The following CHD7 variants were observed in gnomAD, a reference collection of about 807,000 sequenced individuals.
CHD7 encodes ATP-dependent chromatin remodeler CHD7.
Under a neutral mutation model 307.3 loss-of-function variants are expected in CHD7, and 24 were observed. That is an observed-to-expected ratio of 0.08 (90% CI 0.06 to 0.11). CHD7 has a LOEUF of 0.11. Among genes scored for constraint, CHD7 ranks in the 10% least tolerant of loss-of-function variants. The probability of loss-of-function intolerance (pLI) is 1.00; values close to 1 mark genes in which losing one functional copy is unlikely to be tolerated. For missense variants in CHD7, 3,106 were observed against 3,727.1 expected, an observed-to-expected ratio of 0.83 and a Z score of 4.34; for synonymous variants, 1,363 against 1,349.9, an observed-to-expected ratio of 1.01 and a Z score of -0.21.
intron 7 of CHD7, chr8:60,809,069 G>A (rs558218844): frequency 6.6e-6 from 1 of 152,276 alleles, no homozygotes; most frequent in East Asian, 1.9e-4. Context: ...TTTGTGAGTT[G>A]CTGTGCGAAC....
At chr8:60,748,585 A>C (rs992378512) in intron 2 of CHD7, among the ~76,000 whole-genome samples, 1 of 152,190 alleles carries the variant, frequency 6.6e-6, no homozygotes, top group Non-Finnish European at 1.5e-5. Flanking sequence ...CAAGGAAGGC[A>C]CAGAGCAACA....
At chr8:60,800,554 A>G (rs1179463997) in intron 5 of CHD7, 29 bp downstream of exon 5, 3 of 1,527,114 alleles carry the variant, frequency 2.0e-6, no homozygotes, top group South Asian at 2.4e-5. Flanking sequence ...GGATTTATGG[A>G]TGCATTTTAA....
intron 2 of CHD7, among the ~76,000 whole-genome samples, chr8:60,769,333 T>C (rs1477779584): frequency 2.6e-5 from 4 of 152,214 alleles, no homozygotes; most frequent in Non-Finnish European, 4.4e-5. Flanking sequence ...GATCCCATTA[T>C]AGGTAAAAGG....
In CHD7 at chr8:60,845,041, T is replaced by C; in HGVS notation, c.5028T>C (p.Thr1676=). The C allele has an allele frequency of 6.2e-7, 1 of 1,613,972 alleles. No individual in the cohort carries two copies. The highest frequency in any genetic ancestry group is 8.5e-7 in the Non-Finnish European group (1 of 1,179,876). ...DLITPTADGQ[T]RALVNHSGLS... is the part of the protein sequence containing the mutation. ...TCACACCCACAGCGGATGGCCAGACTCGAGCCTTGGTCAACCATTCCGGTA... is the reference window on the plus strand; with the variant it reads ...TCACACCCACAGCGGATGGCCAGACCCGAGCCTTGGTCAACCATTCCGGTA... The change falls in exon 22 of 38, where the codon ACT becomes ACC. Residue 1676 remains threonine, a synonymous_variant. Transcript: ENST00000423902.
intron 3 of CHD7, among the ~76,000 whole-genome samples, chr8:60,793,182 G>A (rs910853334): frequency 2.0e-5 from 3 of 152,118 alleles, no homozygotes; most frequent in Admixed American, 6.6e-5. Context: ...CCTCATAGTA[G>A]GGGAGACTTC....
intron 1 of CHD7, among the ~76,000 whole-genome samples, chr8:60,731,397 G>A (rs1457501131): frequency 6.6e-6 from 1 of 152,168 alleles, no homozygotes; most frequent in African/African-American, 2.4e-5. Flanking sequence ...TAAATGCTTA[G>A]TTAAGATGGA....
At chr8:60,714,122 C>T (rs1394138912) in intron 1 of CHD7, among the ~76,000 whole-genome samples, 1 of 151,838 alleles carries the variant, frequency 6.6e-6, no homozygotes, top group Non-Finnish European at 1.5e-5. Flanking sequence ...GCCGCGCTTC[C>T]GGGATGGGTC....
intron 2 of CHD7, among the ~76,000 whole-genome samples, chr8:60,747,148 C>T (rs1043989990): frequency 3.3e-5 from 5 of 152,210 alleles, no homozygotes; most frequent in African/African-American, 1.2e-4. Flanking sequence ...GCGTTCTTGG[C>T]TCACTGCAAC....
Position 60,854,462 on chromosome 8 carries a change from G to T in CHD7, c.6875G>T (p.Gly2292Val). ...CGAGATGGATTCTACATGGAGGACG[G>T]AGATCCTTCAGTAGCTCAGCTCCTT... is the stretch of plus-strand genomic sequence containing the variant. ...ETRDGFYMED[G>V]DPSVAQLLHE... Residue 2292 changes from glycine to valine, a missense_variant, in exon 32 of 38, where the codon GGA (glycine) becomes GTA (valine). Transcript: ENST00000423902. 1 of 1,612,948 alleles carries T rather than the reference G, an allele frequency of 6.2e-7. No homozygotes were observed. Among genetic ancestry groups the T allele is most frequent in the Non-Finnish European group, 8.5e-7 (1 of 1,179,124 alleles).
At chr8:60,818,401 G>A (rs1161149277) in intron 8 of CHD7, among the ~76,000 whole-genome samples, 2 of 152,232 alleles carry the variant, frequency 1.3e-5, no homozygotes, top group East Asian at 1.9e-4. Context: ...CACTGACTGT[G>A]AAAGCTTATG....
intron 1 of CHD7, among the ~76,000 whole-genome samples, chr8:60,683,637 A>G (rs1278170073): frequency 6.6e-6 from 1 of 152,228 alleles, no homozygotes; most frequent in East Asian, 1.9e-4. Context: ...AGATTAAGAA[A>G]CTAAAGTCCA....
intron 7 of CHD7, among the ~76,000 whole-genome samples, chr8:60,811,097 G>A (rs532895467): frequency 3.4e-4 from 52 of 152,276 alleles, no homozygotes; most frequent in African/African-American, 1.2e-3. Flanking sequence ...GCCCCAGTCC[G>A]TGGAAAAATT....
intron 4 of CHD7, 140 bp from the exon 5 acceptor site, chr8:60,800,248 G>A (rs1258713582): frequency 1.6e-6 from 1 of 631,230 alleles, no homozygotes; most frequent in Non-Finnish European, 2.6e-6. Flanking sequence ...TAGCCAGGAT[G>A]GTCTCGATCT....
At position 60,781,046 on chromosome 8, in the gene CHD7, C is replaced by G; in HGVS notation, c.1712C>G (p.Thr571Ser). The change falls in exon 3 of 38, where the codon ACT becomes AGT. Residue 571 changes from threonine (T) to serine (S), a missense_variant. Physicochemically the swap from Thr to Ser is moderately conservative, Grantham distance 58 (BLOSUM62 1). Transcript: ENST00000423902. ...CTAGAGAAACCAGTGCCGGATATGA[C>G]TCAGGTTAGTGGACCGAATGCTCAG... Reference protein sequence around the residue: ...PFLEKPVPDMTQVSGPNAQLV... With the variant: ...PFLEKPVPDMSQVSGPNAQLV... 6.2e-7 allele frequency: 1 copy of G among 1,604,264 alleles called. No homozygotes were observed. Among genetic ancestry groups the G allele is most frequent in the Non-Finnish European group, 8.5e-7 (1 of 1,176,462 alleles).
chr8:60,712,877 CCTT>C (rs1028090427), intron 1 of CHD7, among the ~76,000 whole-genome samples: 1 of 151,908 alleles, frequency 6.6e-6, no homozygotes, highest in African/African-American at 2.4e-5. Context: ...TGGTGAAACT[CCTT>C]CTCCACTAAA....
At chr8:60,714,127 T>C (rs1807427221) in intron 1 of CHD7, among the ~76,000 whole-genome samples, 1 of 151,514 alleles carries the variant, frequency 6.6e-6, no homozygotes, top group African/African-American at 2.4e-5. Context: ...GCTTCCGGGA[T>C]GGGTCAGCGC....
rs1805414621 is a variant in CHD7 at position 60,678,928 on chromosome 8, G to C, written c.-329G>C. 1 of 152,378 alleles carries C rather than the reference G, an allele frequency of 6.6e-6. No homozygotes were observed. The highest frequency in any genetic ancestry group is 1.5e-5 in the Non-Finnish European group (1 of 68,206). The allele number at this position is 152,378 out of a possible 1,614,324, so 9.4% of individuals were successfully genotyped here. ...GCGGAGGAGGCGGCCCGGGGACCCG[G>C]ACACCCTGAAACTCACCAGAGACCC... On this transcript the variant is annotated 5_prime_UTR_variant, in exon 1 of 38. Coordinates refer to ENST00000423902, the MANE Select transcript of CHD7 (RefSeq NM_017780.4).
intron 1 of CHD7, among the ~76,000 whole-genome samples, chr8:60,727,328 A>C (rs1351975484): frequency 6.6e-6 from 1 of 152,060 alleles, no homozygotes; most frequent in East Asian, 1.9e-4. Flanking sequence ...GGGTTTCCCC[A>C]TGTTGACCAG....
At chr8:60,774,816 T>C (rs906407699) in intron 2 of CHD7, among the ~76,000 whole-genome samples, 1 of 152,238 alleles carries the variant, frequency 6.6e-6, no homozygotes, top group East Asian at 1.9e-4. Context: ...TCACTGCTTA[T>C]GTTATCCCAG....
Sources: gnomAD v4.1 joint callset for allele counts (sites outside exome capture counted in the v4.1 genomes callset) on GRCh38, gnomAD v4.1.1 for gene constraint, MANE v1.5 for transcripts, NCBI Gene and HGNC (gene_info 2026-07-23, HGNC 2026-07-21) for gene names.